The following UBL3 variants were observed in gnomAD, a reference collection of about 807,000 sequenced individuals.
UBL3 encodes ubiquitin like 3.
In UBL3, 6 loss-of-function variants were observed where a neutral mutation model predicts 18.4. That is an observed-to-expected ratio of 0.33 (90% CI 0.18 to 0.64). The LOEUF is 0.64. UBL3 is among the 30% of genes least tolerant of loss of function. The probability of loss-of-function intolerance (pLI) is 0.76; values close to 1 mark genes in which losing one functional copy is unlikely to be tolerated. For missense variants in UBL3, 109 were observed against 142.9 expected, an observed-to-expected ratio of 0.76 and a Z score of 1.21; for synonymous variants, 49 against 46.6, an observed-to-expected ratio of 1.05 and a Z score of -0.21.
At chr13:29,835,900 A>G (rs978448977) in intron 1 of UBL3, among the ~76,000 whole-genome samples, 1 of 152,176 alleles carries the variant, frequency 6.6e-6, no homozygotes, top group Non-Finnish European at 1.5e-5. Flanking sequence ...AAATGAGATG[A>G]CATAGTCATG....
chr13:29,788,072 C>G (rs924297397), intron 1 of UBL3, among the ~76,000 whole-genome samples: 1 of 152,150 alleles, frequency 6.6e-6, no homozygotes. Context: ...CACCCGTTTT[C>G]TTTTGAATAG....
intron 1 of UBL3, among the ~76,000 whole-genome samples, chr13:29,782,774 A>G (rs1160396015): frequency 1.3e-5 from 2 of 152,242 alleles, no homozygotes; most frequent in African/African-American, 4.8e-5. Flanking sequence ...GACAACTGCA[A>G]CAGTAACTGT....
At position 29,766,102 on chromosome 13, in the gene UBL3, C is replaced by T. The variant is rs1876670908; in HGVS notation, c.*1153G>A. On this transcript the variant is annotated 3_prime_UTR_variant, in exon 5 of 5. Coordinates refer to ENST00000380680, the MANE Select transcript of UBL3 (RefSeq NM_007106.4). ...AATATAAAAATCTTTCATATTTTTA[C>T]AGGTTTAGATGAAAGTAGCTCATGC... is the stretch of plus-strand genomic sequence containing the variant. 2.0e-5 allele frequency: 3 copies of T among 152,566 alleles called. No individual in the cohort carries two copies. Among genetic ancestry groups the T allele is most frequent in the Middle Eastern group, 3.4e-3 (1 of 294 alleles). The allele number at this position is 152,566 out of a possible 1,614,324, so 9.5% of individuals were successfully genotyped here. A position where few individuals can be genotyped will look rare whatever the true frequency, so the allele number is the denominator to read the frequency against.
At position 29,802,479 on chromosome 13, in the gene UBL3, C is replaced by A. The variant is rs77991876; in HGVS notation, c.28-25216G>T. Among the ~76,000 whole-genome samples, 1,475 of 152,210 alleles carry A rather than the reference C, an allele frequency of 9.7e-3. 23 individuals are homozygous for A. Among genetic ancestry groups the A allele is most frequent in the African/African-American group, 0.034 (1,414 of 41,504 alleles). On this transcript the variant is annotated intron_variant, in intron 1 of 4. Transcript: ENST00000380680. Reference sequence around the variant, plus strand: ...GGGTCCTCCAACTGGGGTGAAATCACAGAAATATAATTCAGAATAGAGATA... The same window carrying A: ...GGGTCCTCCAACTGGGGTGAAATCAAAGAAATATAATTCAGAATAGAGATA...
chr13:29,800,287 T>C (rs191792428), intron 1 of UBL3, among the ~76,000 whole-genome samples: 20 of 152,346 alleles, frequency 1.3e-4, no homozygotes, highest in Admixed American at 1.3e-3. Context: ...ACAAGACTGA[T>C]GGATTTAAAT....
Position 29,844,064 on chromosome 13 carries a change from G to T in UBL3, c.27+5448C>A, listed in dbSNP as rs544877847. 2.6e-5 allele frequency among the ~76,000 whole-genome samples: 4 copies of T among 152,190 alleles called. No homozygotes were observed. In the East Asian group the frequency reaches 7.7e-4, roughly 29 times the overall value. On this transcript the variant is annotated intron_variant, in intron 1 of 4. Coordinates refer to ENST00000380680, the MANE Select transcript of UBL3 (RefSeq NM_007106.4). ...GTATCATAGATTCTTCTTTTAAAAA[G>T]TATTTTTAAAGGGACTATATAACAG...
chr13:29,772,023 T>A, intron 3 of UBL3, 89 bp downstream of exon 3: 1 of 1,122,314 alleles, frequency 8.9e-7, no homozygotes. Flanking sequence ...TCATTTTTTT[T>A]AGCAAATTCA....
chr13:29,839,131 G>T (rs1229969760), intron 1 of UBL3, among the ~76,000 whole-genome samples: 1 of 152,114 alleles, frequency 6.6e-6, no homozygotes, highest in Non-Finnish European at 1.5e-5. Flanking sequence ...TCTCAATTGA[G>T]TGATTTAAAA....
intron 1 of UBL3, among the ~76,000 whole-genome samples, chr13:29,788,848 T>C (rs867117219): frequency 0.071 from 539 of 7,548 alleles, 1 homozygote; most frequent in African/African-American, 0.088. Flanking sequence ...AGTGTGTGTG[T>C]GTGTGTGTGT....
chr13:29,823,030 A>G (rs958360568), intron 1 of UBL3, among the ~76,000 whole-genome samples: 1 of 152,142 alleles, frequency 6.6e-6, no homozygotes, highest in African/African-American at 2.4e-5. Flanking sequence ...AAATGGTATT[A>G]TTTTCCTTAA....
chr13:29,849,865 C>A lies in UBL3; in HGVS notation c.-327G>T. 2.0e-6 allele frequency: 1 copy of A among 502,490 alleles called. No homozygotes were observed. Among genetic ancestry groups the A allele is most frequent in the Non-Finnish European group, 3.6e-6 (1 of 277,542 alleles). 31.1% of individuals were successfully genotyped at this position (502,490 alleles called of 1,614,324 possible). ...TGGACCGAGCCGAGTGACACACGGA[C>A]ATGGAGAGGGGTGGGAGGGGGTTAA... On this transcript the variant is annotated 5_prime_UTR_variant, in exon 1 of 5. It removes an upstream start codon present in the reference 5' UTR. Coordinates refer to ENST00000380680, the MANE Select transcript of UBL3 (RefSeq NM_007106.4).
intron 1 of UBL3, among the ~76,000 whole-genome samples, chr13:29,833,762 T>G (rs1271349457): frequency 6.6e-6 from 1 of 152,226 alleles, no homozygotes; most frequent in Non-Finnish European, 1.5e-5. Flanking sequence ...TCACTTATTT[T>G]GTTCAATGTC....
rs1337572128 is a variant in UBL3, at chr13:29,835,099, TATATATAA to T, written c.27+14405_27+14412del. Among the ~76,000 whole-genome samples the T allele has an allele frequency of 4.4e-3, 66 of 15,116 alleles. 7 individuals carry two copies. Among genetic ancestry groups the T allele is most frequent in the Middle Eastern group, 0.024 (1 of 42 alleles). 9.9% of individuals were successfully genotyped at this position (15,116 alleles called of 152,430 possible). A position where few individuals can be genotyped will look rare whatever the true frequency, so the allele number is the denominator to read the frequency against. ...AAATATATAAATATAAATATATATA[TATATATAA>T]ATATATATATATATATAAATATATA... On this transcript the variant is annotated intron_variant, in intron 1 of 4. Coordinates refer to ENST00000380680, the MANE Select transcript of UBL3 (RefSeq NM_007106.4).
intron 1 of UBL3, among the ~76,000 whole-genome samples, chr13:29,815,318 TCA>T (rs1332727653): frequency 6.6e-6 from 1 of 152,068 alleles, no homozygotes; most frequent in Non-Finnish European, 1.5e-5. Context: ...GAGAAATATC[TCA>T]TATAATAAAT....
chr13:29,793,358 G>A (rs1877529777), intron 1 of UBL3, among the ~76,000 whole-genome samples: 1 of 152,078 alleles, frequency 6.6e-6, no homozygotes, highest in African/African-American at 2.4e-5. Flanking sequence ...AAGAACTAAT[G>A]GATCCCTGGC....
At chr13:29,835,314 T>C (rs1043586472) in intron 1 of UBL3, among the ~76,000 whole-genome samples, 9 of 149,698 alleles carry the variant, frequency 6.0e-5, no homozygotes, top group African/African-American at 2.0e-4. Context: ...CTCTCAACTT[T>C]AGATGTCAGG....
chr13:29,803,699 C>T (rs770390572), intron 1 of UBL3, among the ~76,000 whole-genome samples: 8 of 151,886 alleles, frequency 5.3e-5, no homozygotes, highest in Admixed American at 2.6e-4. Flanking sequence ...CAAAGATGGA[C>T]GTTATATAAC....
At position 29,850,547 on chromosome 13, in the gene UBL3, C is replaced by T; in HGVS notation, c.-1009G>A. 6.4e-6 allele frequency: 1 copy of T among 155,882 alleles called. No individual in the cohort carries two copies. The highest frequency in any genetic ancestry group is 1.4e-5 in the Non-Finnish European group (1 of 71,038). 9.7% of individuals were successfully genotyped at this position (155,882 alleles called of 1,614,324 possible). A position where few individuals can be genotyped will look rare whatever the true frequency, so the allele number is the denominator to read the frequency against. On this transcript the variant is annotated 5_prime_UTR_variant, in exon 1 of 5. Coordinates refer to ENST00000380680, the MANE Select transcript of UBL3 (RefSeq NM_007106.4). ...CACTTTTCAGTCCCACACGCCGCGG[C>T]CGCCTCCTGTCATCGCCTCTCAAAC...
rs777840058 is a variant in UBL3 at position 29,835,107 on chromosome 13, A to AATATATAT, written c.27+14397_27+14404dup. Among the ~76,000 whole-genome samples, 71 of 23,788 alleles carry AATATATAT rather than the reference A, an allele frequency of 3.0e-3. 6 individuals are homozygous for AATATATAT. Among genetic ancestry groups the AATATATAT allele is most frequent in the Middle Eastern group, 0.019 (1 of 54 alleles). The allele number at this position is 23,788 out of a possible 152,430, so 15.6% of individuals were successfully genotyped here. A position where few individuals can be genotyped will look rare whatever the true frequency, so the allele number is the denominator to read the frequency against. ...AAATATAAATATATATATATATATAAATATATATATATATATAAATATATA... is the reference window on the plus strand; with the variant it reads ...AAATATAAATATATATATATATATAAATATATATATATATATATATATATAAATATATA... On this transcript the variant is annotated intron_variant, in intron 1 of 4. Coordinates refer to ENST00000380680, the MANE Select transcript of UBL3 (RefSeq NM_007106.4).
Sources: gnomAD v4.1 joint callset for allele counts (sites outside exome capture counted in the v4.1 genomes callset) on GRCh38, gnomAD v4.1.1 for gene constraint, MANE v1.5 for transcripts, NCBI Gene and HGNC (gene_info 2026-07-23, HGNC 2026-07-21) for gene names.